RHOBTB3: variants seen among roughly 807,000 people sequenced by gnomAD.
The protein encoded by RHOBTB3 is rho-related BTB domain-containing protein 3.
Under a neutral mutation model 67.2 loss-of-function variants are expected in RHOBTB3, and 47 were observed. That is an observed-to-expected ratio of 0.70 (90% CI 0.55 to 0.89). The LOEUF (loss-of-function observed/expected upper bound fraction) is 0.89, where lower values mean the gene tolerates loss of function less well. Among genes scored for constraint, RHOBTB3 ranks in the 40% least tolerant of loss-of-function variants. RHOBTB3 has a pLI of 0.00. For missense variants in RHOBTB3, 631 were observed against 750.0 expected (o/e 0.84, Z 1.85); for synonymous variants, 273 against 274.2 (o/e 1.00, Z 0.04).
intron 3 of RHOBTB3, among the ~76,000 whole-genome samples, chr5:95,743,488 C>T (rs1755658180): frequency 1.3e-5 from 2 of 152,014 alleles, no homozygotes; most frequent in African/African-American, 4.8e-5. Context: ...TGAGCCTGTA[C>T]TCAGAGCTTC....
chr5:95,732,163 C>A, intron 2 of RHOBTB3, 79 bp downstream of exon 2: 1 of 1,315,108 alleles, frequency 7.6e-7, no homozygotes, highest in Non-Finnish European at 1.1e-6. Flanking sequence ...CTTCTGCCCA[C>A]TTCCGTGAGT....
chr5:95,776,572 C>T (rs990628534), intron 8 of RHOBTB3, among the ~76,000 whole-genome samples: 6 of 151,976 alleles, frequency 3.9e-5, no homozygotes, highest in Admixed American at 6.6e-5. Flanking sequence ...ACCTCATGAG[C>T]GGTTTAAGGA....
intron 10 of RHOBTB3, among the ~76,000 whole-genome samples, chr5:95,784,888 A>C (rs567039030): frequency 6.6e-4 from 100 of 151,832 alleles, no homozygotes; most frequent in African/African-American, 2.2e-3. Context: ...GTTATGGCAC[A>C]CTCTTGTGTA....
intron 3 of RHOBTB3, among the ~76,000 whole-genome samples, chr5:95,743,003 G>A (rs1755641883): frequency 6.6e-6 from 1 of 152,086 alleles, no homozygotes; most frequent in Non-Finnish European, 1.5e-5. Flanking sequence ...CCTGGGAGGC[G>A]GAGGTTGCTG....
rs569063999 is a variant in RHOBTB3, at chr5:95,764,870, A to ATT, written c.1161+1262_1161+1263dup. On this transcript the variant is annotated intron_variant, in intron 7 of 11. Transcript: ENST00000379982. ...AAGTAACGTGGAATTAAGGGGTAAG[A>ATT]TTTTTTTTTTTTTAGTAACACATTG... Among the ~76,000 whole-genome samples, 1,182 of 146,574 alleles carry ATT rather than the reference A, an allele frequency of 8.1e-3. 17 individuals carry two copies. Among genetic ancestry groups the ATT allele is most frequent in the African/African-American group, 0.028 (1,127 of 40,210 alleles).
At chr5:95,773,398 A>G (rs1745775001) in intron 8 of RHOBTB3, among the ~76,000 whole-genome samples, 1 of 152,194 alleles carries the variant, frequency 6.6e-6, no homozygotes. Flanking sequence ...AGGATCTGGG[A>G]GCAGCTTCTC....
In RHOBTB3 at chr5:95,755,669, A is replaced by C; in HGVS notation, c.956A>C (p.His319Pro). The change falls in exon 6 of 12, where the codon CAT becomes CCT. Residue 319 changes from histidine to proline, a missense_variant. Transcript: ENST00000379982. ...NRDTAFPGAS[H>P]ESSGNPPLRV... Reference sequence around the variant, plus strand: ...GATACTGCATTTCCAGGTGCTAGCCATGAATCTTCAGGCAACCCACCATTA... The same window carrying C: ...GATACTGCATTTCCAGGTGCTAGCCCTGAATCTTCAGGCAACCCACCATTA... The C allele has an allele frequency of 6.2e-7, 1 of 1,614,172 alleles. No homozygotes were observed. The highest frequency in any genetic ancestry group is 8.5e-7 in the Non-Finnish European group (1 of 1,180,010).
Position 95,736,881 on chromosome 5 carries a change from T to C in RHOBTB3, c.229-8T>C. 1 of 1,553,066 alleles carries C rather than the reference T, an allele frequency of 6.4e-7. No individual in the cohort carries two copies. The highest frequency in any genetic ancestry group is 1.2e-5 in the South Asian group (1 of 80,566). Reference sequence around the variant, plus strand: ...AGACTAAAGATTGCTATTTGCATTTTGGTTTAGGACATATTTGACAGTGAT... The same window carrying C: ...AGACTAAAGATTGCTATTTGCATTTCGGTTTAGGACATATTTGACAGTGAT... On this transcript the variant is annotated splice_polypyrimidine_tract_variant and splice_region_variant and intron_variant, in intron 2 of 11. Coordinates refer to ENST00000379982, the MANE Select transcript of RHOBTB3 (RefSeq NM_014899.4).
intron 3 of RHOBTB3, among the ~76,000 whole-genome samples, chr5:95,739,311 T>C (rs993194716): frequency 3.3e-5 from 5 of 152,192 alleles, no homozygotes; most frequent in Admixed American, 2.0e-4. Context: ...TTCATCTCCA[T>C]TGGATTTCGC....
At chr5:95,755,095 G>A (rs183504739) in intron 5 of RHOBTB3, among the ~76,000 whole-genome samples, 3 of 152,306 alleles carry the variant, frequency 2.0e-5, no homozygotes, top group South Asian at 2.1e-4. Context: ...TGTTCCGTAC[G>A]TCATTAGTGG....
chr5:95,753,992 C>T (rs1483826086), intron 5 of RHOBTB3, among the ~76,000 whole-genome samples: 2 of 151,980 alleles, frequency 1.3e-5, no homozygotes, highest in Non-Finnish European at 2.9e-5. Context: ...GCCTGTAGTC[C>T]CAGCTACTCG....
upstream of RHOBTB3, among the ~76,000 whole-genome samples, chr5:95,729,600 G>A (rs1292733157): frequency 6.6e-6 from 1 of 152,064 alleles, no homozygotes; most frequent in African/African-American, 2.4e-5. Flanking sequence ...AACTATATAT[G>A]CACCTCATGC....
Position 95,767,717 on chromosome 5 carries a change from T to G in RHOBTB3, c.1162-329T>G, listed in dbSNP as rs1282582529. On this transcript the variant is annotated intron_variant, in intron 7 of 11. Transcript: ENST00000379982. Reference sequence around the variant, plus strand: ...CATGTAAACATATTTTAGTAGGCATTTGTATGGAGTTGGACTACTGTTGTC... The same window carrying G: ...CATGTAAACATATTTTAGTAGGCATGTGTATGGAGTTGGACTACTGTTGTC... 6.2e-6 allele frequency: 4 copies of G among 649,116 alleles called. No individual in the cohort carries two copies. In the African/African-American group the frequency reaches 7.2e-5, roughly 12 times the overall value. 40.2% of individuals were successfully genotyped at this position (649,116 alleles called of 1,614,324 possible). A position where few individuals can be genotyped will look rare whatever the true frequency, so the allele number is the denominator to read the frequency against.
At chr5:95,782,759 A>C (rs1451415631) in intron 9 of RHOBTB3, 1 of 148,652 alleles carries the variant, frequency 6.7e-6, no homozygotes, top group Non-Finnish European at 1.5e-5. Flanking sequence ...GCAGTGAGCC[A>C]AGATCGCACC....
In RHOBTB3 at chr5:95,719,782, C is replaced by T. The variant is rs549622668; in HGVS notation, n.133+2017C>T. Reference sequence around the variant, plus strand: ...TTCCTAAATGGCTGAACCTGCCAATCAGAAGAGAAAATTTTAGAAAATTGG... The same window carrying T: ...TTCCTAAATGGCTGAACCTGCCAATTAGAAGAGAAAATTTTAGAAAATTGG... On this transcript the variant is annotated intron_variant and non_coding_transcript_variant, in intron 1 of 5. Coordinates refer to the RHOBTB3 transcript ENST00000504949. The T allele has an allele frequency of 1.2e-4, 18 of 152,284 alleles. 1 individual carries two copies. The highest frequency in any genetic ancestry group is 8.5e-4 in the Admixed American group (13 of 15,302). 9.4% of individuals were successfully genotyped at this position (152,284 alleles called of 1,614,324 possible).
intron 6 of RHOBTB3, among the ~76,000 whole-genome samples, chr5:95,759,579 A>C (rs1412877179): frequency 6.6e-6 from 1 of 152,276 alleles, no homozygotes; most frequent in African/African-American, 2.4e-5. Context: ...TTGTGTATGA[A>C]TAAGTGACAC....
intron 4 of RHOBTB3, 89 bp downstream of exon 4, chr5:95,748,576 A>G (rs1744998848): frequency 1.1e-6 from 1 of 933,530 alleles, no homozygotes. Context: ...CTTCAGCTTT[A>G]AAAGCATGGT....
At chr5:95,735,196 G>T (rs1253730757) in intron 2 of RHOBTB3, among the ~76,000 whole-genome samples, 2 of 150,922 alleles carry the variant, frequency 1.3e-5, no homozygotes, top group African/African-American at 4.9e-5. Flanking sequence ...CTTCCCTTCT[G>T]CCCCCTTGCA....
intron 1 of RHOBTB3, among the ~76,000 whole-genome samples, chr5:95,721,953 A>G (rs1429686820): frequency 6.6e-6 from 1 of 152,188 alleles, no homozygotes; most frequent in African/African-American, 2.4e-5. Context: ...GAAAATTTTG[A>G]TTACTATTAA....
Sources: gnomAD v4.1 joint callset for allele counts (sites outside exome capture counted in the v4.1 genomes callset) on GRCh38, gnomAD v4.1.1 for gene constraint, MANE v1.5 for transcripts, NCBI Gene and HGNC (gene_info 2026-07-23, HGNC 2026-07-21) for gene names.